ATRNL1: variants seen among roughly 807,000 people sequenced by gnomAD.
The protein encoded by ATRNL1 is attractin like 1.
Under a neutral mutation model 182.7 loss-of-function variants are expected in ATRNL1, and 95 were observed. That is an observed-to-expected ratio of 0.52 (90% CI 0.44 to 0.62). ATRNL1 has a LOEUF of 0.62. ATRNL1 is among the 20% of genes least tolerant of loss of function. ATRNL1 has a pLI of 0.00. For missense variants in ATRNL1, 1,471 were observed against 1,679.5 expected (o/e 0.88, Z 2.17); for synonymous variants, 576 against 568.3 (o/e 1.01, Z -0.19).
At chr10:115,716,930 T>G (rs1947269898) in intron 26 of ATRNL1, among the ~76,000 whole-genome samples, 1 of 152,190 alleles carries the variant, frequency 6.6e-6, no homozygotes, top group South Asian at 2.1e-4. Flanking sequence ...TGTGAAAAAT[T>G]TTTTCGAGTG....
intron 1 of ATRNL1, among the ~76,000 whole-genome samples, chr10:115,109,913 C>T (rs1215364659): frequency 3.3e-5 from 5 of 152,094 alleles, no homozygotes; most frequent in African/African-American, 1.2e-4. Context: ...ACAACCATCA[C>T]CATTACCTAA....
intron 26 of ATRNL1, among the ~76,000 whole-genome samples, 198 bp from the exon 27 acceptor site, chr10:115,727,050 C>T (rs531892284): frequency 1.3e-5 from 2 of 152,208 alleles, no homozygotes; most frequent in Admixed American, 6.5e-5. Flanking sequence ...AGGCACCGTA[C>T]ATTTAAAGCT....
chr10:115,796,642 A>G (rs548589702), intron 27 of ATRNL1, among the ~76,000 whole-genome samples: 15 of 152,278 alleles, frequency 9.9e-5, no homozygotes, highest in Admixed American at 8.5e-4. Flanking sequence ...AACTTAAGCA[A>G]TTCCAGTCTT....
intron 26 of ATRNL1, among the ~76,000 whole-genome samples, chr10:115,604,796 T>C (rs2133950979): frequency 6.6e-6 from 1 of 152,260 alleles, no homozygotes; most frequent in East Asian, 1.9e-4. Flanking sequence ...TTTCATAGAT[T>C]TTCTCCACTT....
At position 115,429,863 on chromosome 10, in the gene ATRNL1, C is replaced by T. The variant is rs540474406; in HGVS notation, c.3322+3561C>T. Among the ~76,000 whole-genome samples the T allele has an allele frequency of 3.9e-5, 6 of 152,126 alleles. No individual in the cohort carries two copies. In the East Asian group the frequency reaches 5.8e-4, roughly 15 times the overall value. On this transcript the variant is annotated intron_variant, in intron 21 of 28. Transcript: ENST00000355044. ...AGGGCGAATCACGAGGTCAGGAGAT[C>T]GAGACCATCCTGGCTAACGCGTTGA...
intron 20 of ATRNL1, among the ~76,000 whole-genome samples, chr10:115,411,851 T>C (rs1845156394): frequency 6.6e-6 from 1 of 152,132 alleles, no homozygotes; most frequent in Non-Finnish European, 1.5e-5. Context: ...TGTTCATACC[T>C]CAAGTAAATA....
chr10:115,945,102 A>G lies in ATRNL1; in HGVS notation c.*323A>G, dbSNP rs547981546. On this transcript the variant is annotated 3_prime_UTR_variant, in exon 29 of 29. Transcript: ENST00000355044. ...TAATTCATATAAATCAACTGTTTAT[A>G]TCCCAAGACTTGAAAGAAAGACATT... 1.5e-3 allele frequency: 264 copies of G among 177,796 alleles called. 1 individual carries two copies. Among genetic ancestry groups the G allele is most frequent in the African/African-American group, 5.9e-3 (253 of 42,612 alleles). 11.0% of individuals were successfully genotyped at this position (177,796 alleles called of 1,614,324 possible).
At chr10:115,849,109 A>G (rs575030729) in intron 28 of ATRNL1, among the ~76,000 whole-genome samples, 60 of 152,328 alleles carry the variant, frequency 3.9e-4, no homozygotes, top group African/African-American at 1.4e-3. Flanking sequence ...GAGAGTTTCC[A>G]TCACCTTCAG....
At chr10:115,786,402 T>C (rs1949397312) in intron 27 of ATRNL1, among the ~76,000 whole-genome samples, 1 of 152,178 alleles carries the variant, frequency 6.6e-6, no homozygotes, top group African/African-American at 2.4e-5. Context: ...TTGGCCATGC[T>C]TCCTTGGAAG....
At chr10:115,930,198 A>G (rs1953351935) in intron 28 of ATRNL1, among the ~76,000 whole-genome samples, 1 of 152,108 alleles carries the variant, frequency 6.6e-6, no homozygotes, top group Non-Finnish European at 1.5e-5. Context: ...CCTTTTCCCA[A>G]ATTACTTAAA....
At chr10:115,695,750 C>T (rs1348109094) in intron 26 of ATRNL1, among the ~76,000 whole-genome samples, 1 of 152,086 alleles carries the variant, frequency 6.6e-6, no homozygotes. Context: ...CTATTCCCAG[C>T]CATTTAATAG....
chr10:115,327,696 A>T (rs868951799), intron 18 of ATRNL1, among the ~76,000 whole-genome samples: 1,696 of 151,024 alleles, frequency 0.011, 28 homozygotes, highest in African/African-American at 0.038. Flanking sequence ...CAAATGTCCA[A>T]CAATGATAGA....
At position 115,264,578 on chromosome 10, in the gene ATRNL1, T is replaced by C. The variant is rs185582711; in HGVS notation, c.1688-615T>C. On this transcript the variant is annotated intron_variant, in intron 10 of 28. Transcript: ENST00000355044. ...CAGTTCTGAGTTTATATTGAAATAA[T>C]ACACATTTTTCTTAACCACTTTCCA... 2.8e-3 allele frequency among the ~76,000 whole-genome samples: 418 copies of C among 151,492 alleles called. 3 individuals carry two copies. The highest frequency in any genetic ancestry group is 9.6e-3 in the African/African-American group (398 of 41,356).
At chr10:115,421,331 A>G (rs1375578919) in intron 20 of ATRNL1, among the ~76,000 whole-genome samples, 1 of 152,234 alleles carries the variant, frequency 6.6e-6, no homozygotes, top group Non-Finnish European at 1.5e-5. Flanking sequence ...ACAACATATT[A>G]TAAGGTCATT....
At chr10:115,921,338 C>A (rs1953054536) in intron 28 of ATRNL1, among the ~76,000 whole-genome samples, 1 of 151,740 alleles carries the variant, frequency 6.6e-6, no homozygotes, top group Admixed American at 6.6e-5. Flanking sequence ...GTTTTTTTGT[C>A]TCAGAAGTTT....
At chr10:115,535,382 T>G (rs1851911608) in intron 25 of ATRNL1, among the ~76,000 whole-genome samples, 1 of 151,852 alleles carries the variant, frequency 6.6e-6, no homozygotes. Flanking sequence ...TGATACCCTT[T>G]CTTCCAGTTG....
chr10:115,716,518 A>T (rs895940004), intron 26 of ATRNL1, among the ~76,000 whole-genome samples: 9 of 152,168 alleles, frequency 5.9e-5, no homozygotes, highest in Non-Finnish European at 1.2e-4. Context: ...TTGCATTTAG[A>T]ATTTTTTAAC....
At chr10:115,261,573 G>A (rs1251449748) in intron 10 of ATRNL1, among the ~76,000 whole-genome samples, 2 of 152,096 alleles carry the variant, frequency 1.3e-5, no homozygotes, top group African/African-American at 2.4e-5. Context: ...TACACATCTG[G>A]CAAAGGGTTG....
intron 27 of ATRNL1, among the ~76,000 whole-genome samples, chr10:115,761,757 G>A (rs1046534717): frequency 5.3e-5 from 8 of 152,106 alleles, no homozygotes; most frequent in African/African-American, 1.9e-4. Context: ...TTTGACTTGG[G>A]TAGGTTAATT....
Sources: gnomAD v4.1 joint callset for allele counts (sites outside exome capture counted in the v4.1 genomes callset) on GRCh38, gnomAD v4.1.1 for gene constraint, MANE v1.5 for transcripts, NCBI Gene and HGNC (gene_info 2026-07-23, HGNC 2026-07-21) for gene names.